Variants in CDH10 observed in about 807,000 individuals in gnomAD.
The protein encoded by CDH10 is cadherin-10.
CDH10 carries 30 observed loss-of-function variants against 73.1 expected under a neutral mutation model. The observed-to-expected ratio is 0.41, with a 90% CI of 0.31 to 0.56. The LOEUF is 0.56. Ranked by LOEUF, CDH10 falls within the 20% of genes least tolerant of loss-of-function variation. The probability of loss-of-function intolerance (pLI) is 0.27; values close to 1 mark genes in which losing one functional copy is unlikely to be tolerated. For missense variants in CDH10, 815 were observed against 973.7 expected (o/e 0.84, Z 2.17); for synonymous variants, 345 against 348.2 (o/e 0.99, Z 0.10).
At chr5:24,586,840 A>ATTTTTTTTTTTTTTTTTTTTTTTTTTTT (rs1746023448) in intron 2 of CDH10, among the ~76,000 whole-genome samples, 1 of 100,604 alleles carries the variant, frequency 9.9e-6, no homozygotes, top group African/African-American at 5.2e-5. Flanking sequence ...GATAGCCCAT[A>ATTTTTTTTTTTTTTTTTTTTTTTTTTTT]TTCTTTTTTT....
intron 2 of CDH10, among the ~76,000 whole-genome samples, chr5:24,592,869 T>G (rs1287268747): frequency 1.3e-5 from 2 of 151,434 alleles, no homozygotes; most frequent in African/African-American, 4.8e-5. Context: ...TTTGAAATGT[T>G]TTTGCTTCCT....
chr5:24,487,586 G>A lies in CDH10; in HGVS notation c.*77C>T, dbSNP rs1283297239. 1 of 1,415,234 alleles carries A rather than the reference G, an allele frequency of 7.1e-7. No homozygotes were observed. The highest frequency in any genetic ancestry group is 9.6e-7 in the Non-Finnish European group (1 of 1,043,298). The allele number at this position is 1,415,234 out of a possible 1,614,324, so 87.7% of individuals were successfully genotyped here. A position where few individuals can be genotyped will look rare whatever the true frequency, so the allele number is the denominator to read the frequency against. ...TGCTGACTGGCAGGAAAATGCTCCT[G>A]AATATCAAATATTGTGAAGTGGAGA... On this transcript the variant is annotated 3_prime_UTR_variant, in exon 12 of 12. Transcript: ENST00000264463.
intron 1 of CDH10, among the ~76,000 whole-genome samples, chr5:24,606,221 C>A (rs902398244): frequency 1.3e-5 from 2 of 152,114 alleles, no homozygotes; most frequent in Non-Finnish European, 2.9e-5. Context: ...TACTTCCCTG[C>A]AAATGGCCCA....
intron 5 of CDH10, among the ~76,000 whole-genome samples, chr5:24,533,004 T>C (rs1325566150): frequency 6.6e-6 from 1 of 152,068 alleles, no homozygotes; most frequent in Admixed American, 6.6e-5. Context: ...CTAATTCTCA[T>C]GAATGTGTGT....
At chr5:24,555,656 G>A (rs962195470) in intron 2 of CDH10, among the ~76,000 whole-genome samples, 1 of 152,124 alleles carries the variant, frequency 6.6e-6, no homozygotes, top group Non-Finnish European at 1.5e-5. Context: ...TACCTGGAAT[G>A]TATGCAAACT....
chr5:24,534,759 A>G (rs867515113), intron 5 of CDH10, among the ~76,000 whole-genome samples: 1 of 152,102 alleles, frequency 6.6e-6, no homozygotes, highest in Admixed American at 6.6e-5. Context: ...ACAGAAACAA[A>G]CATATTTATT....
rs113832961 is a variant in CDH10 at position 24,527,505 on chromosome 5, C to A, written c.814+7607G>T. On this transcript the variant is annotated intron_variant, in intron 5 of 11. Transcript: ENST00000264463. ...TGCATTGTTAGATAATTTTGTTGTA[C>A]AAACATCACAGAGTGTACTTACACA... Among the ~76,000 whole-genome samples, 721 of 151,688 alleles carry A rather than the reference C, an allele frequency of 4.8e-3. 7 individuals carry two copies. Among genetic ancestry groups the A allele is most frequent in the African/African-American group, 0.016 (681 of 41,462 alleles).
At chr5:24,494,578 C>T (rs1051305658) in intron 9 of CDH10, among the ~76,000 whole-genome samples, 1 of 151,954 alleles carries the variant, frequency 6.6e-6, no homozygotes, top group African/African-American at 2.4e-5. Context: ...AATAAATATA[C>T]ATTTCCAACT....
At chr5:24,624,775 G>A (rs1747436908) in intron 1 of CDH10, among the ~76,000 whole-genome samples, 1 of 152,124 alleles carries the variant, frequency 6.6e-6, no homozygotes, top group Non-Finnish European at 1.5e-5. Context: ...ATGCTGAAAT[G>A]CTCATCCTTT....
intron 2 of CDH10, among the ~76,000 whole-genome samples, chr5:24,566,813 C>T (rs1745181025): frequency 6.6e-6 from 1 of 151,670 alleles, no homozygotes; most frequent in South Asian, 2.1e-4. Context: ...TAGACAGGAC[C>T]CAAAAAGCGC....
At chr5:24,583,255 A>G (rs1340816017) in intron 2 of CDH10, among the ~76,000 whole-genome samples, 1 of 151,590 alleles carries the variant, frequency 6.6e-6, no homozygotes, top group Non-Finnish European at 1.5e-5. Flanking sequence ...CATAAAGTAC[A>G]CTGCCATGTT....
intron 2 of CDH10, among the ~76,000 whole-genome samples, chr5:24,581,143 G>A (rs1422361023): frequency 6.6e-6 from 1 of 151,930 alleles, no homozygotes; most frequent in East Asian, 1.9e-4. Flanking sequence ...AGGGATTCTG[G>A]GCACCCCCCG....
intron 8 of CDH10, among the ~76,000 whole-genome samples, chr5:24,503,011 TG>T (rs1439563056): frequency 6.6e-5 from 10 of 152,154 alleles, no homozygotes; most frequent in African/African-American, 2.4e-4. Flanking sequence ...TATCTCACTA[TG>T]AAAAAAATGG....
chr5:24,623,750 T>C (rs999309479), intron 1 of CDH10, among the ~76,000 whole-genome samples: 5 of 152,180 alleles, frequency 3.3e-5, no homozygotes, highest in African/African-American at 1.2e-4. Context: ...CAGTGCTGAA[T>C]TCCAAATGCA....
At chr5:24,614,108 C>A (rs1561196778) in intron 1 of CDH10, among the ~76,000 whole-genome samples, 1 of 152,220 alleles carries the variant, frequency 6.6e-6, no homozygotes, top group East Asian at 1.9e-4. Flanking sequence ...CTTCCTGGTT[C>A]TATTTTATGG....
chr5:24,570,920 T>G (rs1203277043), intron 2 of CDH10, among the ~76,000 whole-genome samples: 1 of 152,098 alleles, frequency 6.6e-6, no homozygotes, highest in Non-Finnish European at 1.5e-5. Flanking sequence ...GTAGTGTGAA[T>G]GTACTACAAC....
At chr5:24,623,685 A>T (rs1747392098) in intron 1 of CDH10, among the ~76,000 whole-genome samples, 1 of 152,210 alleles carries the variant, frequency 6.6e-6, no homozygotes, top group Admixed American at 6.5e-5. Flanking sequence ...CAGAGGTCTG[A>T]ATATCTCTTA....
chr5:24,594,232 C>T (rs1328626727), intron 1 of CDH10, among the ~76,000 whole-genome samples: 1 of 151,866 alleles, frequency 6.6e-6, no homozygotes, highest in Non-Finnish European at 1.5e-5. Flanking sequence ...GTAATCACTA[C>T]TACAGTGAAC....
intron 2 of CDH10, among the ~76,000 whole-genome samples, chr5:24,558,669 A>G (rs1221278554): frequency 1.4e-5 from 2 of 145,672 alleles, no homozygotes; most frequent in Non-Finnish European, 3.0e-5. Context: ...AGAAATGAAG[A>G]TATCTGCATA....
Sources: gnomAD v4.1 joint callset for allele counts (sites outside exome capture counted in the v4.1 genomes callset) on GRCh38, gnomAD v4.1.1 for gene constraint, MANE v1.5 for transcripts, NCBI Gene and HGNC (gene_info 2026-07-23, HGNC 2026-07-21) for gene names.